The following SAFB variants were observed in gnomAD, a reference collection of about 807,000 sequenced individuals.
SAFB encodes the protein scaffold attachment factor B1.
Under a neutral mutation model 101.6 loss-of-function variants are expected in SAFB, and 15 were observed. The observed-to-expected ratio is 0.15, with a 90% CI of 0.10 to 0.23. SAFB has a LOEUF of 0.23. Among genes scored for constraint, SAFB ranks in the 10% least tolerant of loss-of-function variants. SAFB has a pLI of 1.00. For missense variants in SAFB, 930 were observed against 1,104.1 expected (o/e 0.84, Z 2.23); for synonymous variants, 449 against 407.5 (o/e 1.10, Z -1.23).
rs60011056 is a variant in SAFB, at chr19:5,660,704, C to CA, written c.1863-790dup. On this transcript the variant is annotated intron_variant, in intron 14 of 20. Coordinates refer to ENST00000588852, the MANE Select transcript of SAFB (RefSeq NM_001201338.2). ...GAACAGCCTGGGCAACCATCTCTAC[C>CA]AAAAAAAAAAAAAAAAAAAAAAAAG... Among the ~76,000 whole-genome samples the CA allele has an allele frequency of 9.6e-3, 730 of 76,382 alleles. 4 individuals are homozygous for CA. Among genetic ancestry groups the CA allele is most frequent in the East Asian group, 0.018 (40 of 2,192 alleles). 50.1% of individuals were successfully genotyped at this position (76,382 alleles called of 152,430 possible).
intron 2 of SAFB, among the ~76,000 whole-genome samples, chr19:5,639,734 T>G (rs895895427): frequency 6.6e-6 from 1 of 151,820 alleles, no homozygotes; most frequent in African/African-American, 2.4e-5. Flanking sequence ...TCAAAACCTG[T>G]AAACAAAATT....
intron 2 of SAFB, among the ~76,000 whole-genome samples, chr19:5,640,025 G>T (rs532949470): frequency 1.0e-3 from 152 of 151,664 alleles, no homozygotes; most frequent in Non-Finnish European, 1.2e-3. Flanking sequence ...TGTTTTTTTG[G>T]TTTTTTTTAG....
chr19:5,656,619 C>G (rs1398201459), intron 13 of SAFB, among the ~76,000 whole-genome samples: 5 of 149,448 alleles, frequency 3.3e-5, no homozygotes, highest in Non-Finnish European at 7.4e-5. Context: ...CTCTGTCGCC[C>G]ACACTGGAGT....
chr19:5,659,492 C>T (rs2054145517), intron 14 of SAFB, among the ~76,000 whole-genome samples: 1 of 151,816 alleles, frequency 6.6e-6, no homozygotes, highest in Non-Finnish European at 1.5e-5. Flanking sequence ...CACCATTCTC[C>T]TGCCTCAGCC....
chr19:5,659,179 T>C (rs2054137287), intron 14 of SAFB, among the ~76,000 whole-genome samples: 2 of 148,952 alleles, frequency 1.3e-5, no homozygotes, highest in Admixed American at 1.3e-4. Flanking sequence ...GTAGTGCATG[T>C]CTGTAATCCC....
At chr19:5,661,832 A>G in intron 15 of SAFB, 24 bp downstream of exon 15, 1 of 1,482,224 alleles carries the variant, frequency 6.7e-7, no homozygotes, top group Non-Finnish European at 9.0e-7. Context: ...TGCTGCCCTT[A>G]GCACGTGGCG....
chr19:5,653,412 C>T lies in SAFB; in HGVS notation c.1518C>T (p.Asn506=), dbSNP rs370900744. The change falls in exon 11 of 21, where the codon AAC becomes AAT. Residue 506 remains asparagine, a synonymous_variant. Transcript: ENST00000588852. ...ACGGGAAAAAGGAGAAGTCGAGCAA[C>T]AGTGACAGGTACCCCTCCTTCCTGG... ...DSDGKKEKSS[N]SDRSTNLKRD... The T allele has an allele frequency of 3.1e-6, 5 of 1,613,766 alleles. No homozygotes were observed. The African/African-American group carries it at 6.7e-5, about 22-fold the overall frequency.
intron 4 of SAFB, among the ~76,000 whole-genome samples, chr19:5,642,208 C>T (rs1487790680): frequency 1.3e-5 from 2 of 152,136 alleles, no homozygotes; most frequent in Non-Finnish European, 2.9e-5. Context: ...TTCCTGTTGC[C>T]GGACTTGATC....
At chr19:5,642,209 G>A (rs917692787) in intron 4 of SAFB, among the ~76,000 whole-genome samples, 4 of 152,136 alleles carry the variant, frequency 2.6e-5, no homozygotes, top group East Asian at 3.8e-4. Flanking sequence ...TCCTGTTGCC[G>A]GACTTGATCT....
At position 5,654,033 on chromosome 19, in the gene SAFB, G is replaced by T. The variant is rs771614943; in HGVS notation, c.1527-28G>T. Reference sequence around the variant, plus strand: ...TGGGAATACAGGCATGAGCCACCACGCCCAGCCAACATGTCTGTTTTTTAT... The same window carrying T: ...TGGGAATACAGGCATGAGCCACCACTCCCAGCCAACATGTCTGTTTTTTAT... On this transcript the variant is annotated intron_variant, in intron 11 of 20. Transcript: ENST00000588852. 3.1e-6 allele frequency: 5 copies of T among 1,611,156 alleles called. No individual in the cohort carries two copies. In the East Asian group the frequency reaches 8.9e-5, roughly 29 times the overall value.
chr19:5,641,704 G>A, intron 3 of SAFB, 36 bp from the exon 4 acceptor site: 1 of 1,612,988 alleles, frequency 6.2e-7, no homozygotes, highest in Non-Finnish European at 8.5e-7. Context: ...TGGACCAGTG[G>A]CGGTCACATG....
At chr19:5,624,592 A>C (rs540366714) in intron 1 of SAFB, among the ~76,000 whole-genome samples, 16 of 151,846 alleles carry the variant, frequency 1.1e-4, no homozygotes, top group Non-Finnish European at 2.4e-4. Context: ...CAGCCCCTGC[A>C]GGCAGTGGGG....
chr19:5,639,512 G>A (rs1427226379), intron 2 of SAFB, among the ~76,000 whole-genome samples: 2 of 151,984 alleles, frequency 1.3e-5, no homozygotes, highest in East Asian at 3.9e-4. Flanking sequence ...GGCCAACATG[G>A]TGAAACCCCA....
At position 5,661,794 on chromosome 19, in the gene SAFB, C is replaced by T. The variant is rs955657222; in HGVS notation, c.2139C>T (p.Pro713=). Residue 713 remains proline (P), a synonymous_variant, in exon 15 of 21, where the codon CCC becomes CCT. Transcript: ENST00000588852. Reference sequence around the variant, plus strand: ...AGCGGCGGCCCGCGGTGCGGCGGCCCTACGACCTGGACCGGTAAGCAGATC... The same window carrying T: ...AGCGGCGGCCCGCGGTGCGGCGGCCTTACGACCTGGACCGGTAAGCAGATC... ...EQERRPAVRR[P]YDLDRRDDAY... is the part of the protein sequence containing the mutation. 11 of 1,550,126 alleles carry T rather than the reference C, an allele frequency of 7.1e-6. No individual in the cohort carries two copies. Among genetic ancestry groups the T allele is most frequent in the Admixed American group, 3.9e-5 (2 of 51,452 alleles).
At chr19:5,658,502 G>C (rs1012807173) in intron 14 of SAFB, among the ~76,000 whole-genome samples, 1 of 152,150 alleles carries the variant, frequency 6.6e-6, no homozygotes, top group Non-Finnish European at 1.5e-5. Flanking sequence ...AGACCAGCCT[G>C]ACCAACATAG....
intron 5 of SAFB, among the ~76,000 whole-genome samples, chr19:5,646,147 C>G (rs1020897578): frequency 6.6e-6 from 1 of 152,096 alleles, no homozygotes; most frequent in Non-Finnish European, 1.5e-5. Flanking sequence ...AAATGAAGAT[C>G]GAGCCAGCTT....
intron 5 of SAFB, among the ~76,000 whole-genome samples, chr19:5,647,291 C>T (rs1285908572): frequency 6.6e-6 from 1 of 152,162 alleles, no homozygotes; most frequent in Non-Finnish European, 1.5e-5. Flanking sequence ...AGGGCTGGGC[C>T]TGTCAGGGAG....
At chr19:5,632,470 A>G (rs1370104386) in intron 2 of SAFB, among the ~76,000 whole-genome samples, 1 of 152,196 alleles carries the variant, frequency 6.6e-6, no homozygotes, top group Non-Finnish European at 1.5e-5. Context: ...GGAAATTAAC[A>G]TTGATACAAT....
chr19:5,649,869 T>G, intron 7 of SAFB, 57 bp from the exon 8 acceptor site: 2 of 1,507,472 alleles, frequency 1.3e-6, no homozygotes, highest in Non-Finnish European at 1.8e-6. Flanking sequence ...TTTATGGTTT[T>G]GAGTTTGTTT....
Sources: allele counts gnomAD v4.1 joint callset (sites outside exome capture counted in the v4.1 genomes callset), GRCh38; gene constraint gnomAD v4.1.1; transcripts MANE v1.5; gene names NCBI Gene and HGNC (gene_info 2026-07-23, HGNC 2026-07-21).